Variants in PPFIBP2 observed in about 807,000 individuals in gnomAD.
The protein encoded by PPFIBP2 is PPFIB scaffold protein 2.
PPFIBP2 carries 118 observed loss-of-function variants against 118.3 expected under a neutral mutation model. That is an observed-to-expected ratio of 1.00 (90% CI 0.86 to 1.16). The LOEUF is 1.16. Among genes scored for constraint, PPFIBP2 ranks in the 50% most tolerant of loss-of-function variants. The pLI is 0.00. For missense variants in PPFIBP2, 1,195 were observed against 1,073.1 expected (o/e 1.11, Z -1.59); for synonymous variants, 414 against 397.4 (o/e 1.04, Z -0.50).
chr11:7,557,999 G>A (rs10839808), intron 2 of PPFIBP2, among the ~76,000 whole-genome samples: 78,016 of 151,890 alleles, frequency 0.51, 21,798 homozygotes, highest in African/African-American at 0.74. Flanking sequence ...GTGGTAAAAG[G>A]TTAGACTTTA....
chr11:7,529,183 C>T (rs1211870491), intron 1 of PPFIBP2, among the ~76,000 whole-genome samples: 2 of 152,150 alleles, frequency 1.3e-5, no homozygotes, highest in African/African-American at 4.8e-5. Flanking sequence ...ACCTCCTTGT[C>T]CTACCACTTA....
At chr11:7,590,166 T>C (rs1858979065) in intron 3 of PPFIBP2, among the ~76,000 whole-genome samples, 1 of 152,214 alleles carries the variant, frequency 6.6e-6, no homozygotes. Context: ...TGTTCTCAGA[T>C]GCTTTCCAAG....
chr11:7,586,940 C>T (rs1240434610), intron 3 of PPFIBP2, among the ~76,000 whole-genome samples: 1 of 152,072 alleles, frequency 6.6e-6, no homozygotes, highest in Non-Finnish European at 1.5e-5. Flanking sequence ...TGTTATTTAC[C>T]CTTCATTTAT....
chr11:7,516,642 G>C (rs1590078405), intron 1 of PPFIBP2, among the ~76,000 whole-genome samples: 1 of 152,298 alleles, frequency 6.6e-6, no homozygotes, highest in African/African-American at 2.4e-5. Context: ...TGAGGACGAG[G>C]CAGGGGTTTT....
the PPFIBP2 span, chr11:7,665,732 C>T: frequency 8.2e-7 from 1 of 1,226,180 alleles, no homozygotes; most frequent in Non-Finnish European, 1.1e-6. Context: ...GCAGCAATCA[C>T]CCCAGGTCCC....
chr11:7,635,625 G>A (rs1851352310), intron 14 of PPFIBP2, 32 bp downstream of exon 14: 1 of 1,575,974 alleles, frequency 6.3e-7, no homozygotes, highest in Non-Finnish European at 8.7e-7. Flanking sequence ...TCGTCTATTT[G>A]TGGTTACACT....
At chr11:7,615,301 A>G (rs1848500730) in intron 6 of PPFIBP2, among the ~76,000 whole-genome samples, 1 of 149,516 alleles carries the variant, frequency 6.7e-6, no homozygotes, top group African/African-American at 2.5e-5. Context: ...GTGCCACTGC[A>G]CTCCAGCCTG....
intron 1 of PPFIBP2, among the ~76,000 whole-genome samples, chr11:7,541,534 T>A (rs1173383406): frequency 6.6e-6 from 1 of 152,230 alleles, no homozygotes; most frequent in Non-Finnish European, 1.5e-5. Flanking sequence ...CTGCTCCTCC[T>A]GTCTCCTTTG....
In PPFIBP2 at chr11:7,641,621, G is replaced by A. The variant is rs1434516058; in HGVS notation, c.1517+1G>A. On this transcript the variant is annotated splice_donor_variant, in intron 16 of 23. Coordinates refer to ENST00000299492, the MANE Select transcript of PPFIBP2 (RefSeq NM_003621.5). LOFTEE classifies it high-confidence loss of function. ...AAGGCATTAAGAAGTTCTGGGGAAA[G>A]TAAGTTGGTGCCGTTGATCCTAATT... 3 of 1,613,746 alleles carry A rather than the reference G, an allele frequency of 1.9e-6. No individual in the cohort carries two copies. In the Admixed American group the frequency reaches 5.0e-5, roughly 27 times the overall value.
At chr11:7,542,121 C>G (rs1851855873) in intron 1 of PPFIBP2, among the ~76,000 whole-genome samples, 1 of 152,192 alleles carries the variant, frequency 6.6e-6, no homozygotes, top group South Asian at 2.1e-4. Flanking sequence ...TCAGAACCCT[C>G]CAAATGGGTT....
At chr11:7,643,348 G>GTA (rs2135924571) in intron 17 of PPFIBP2, among the ~76,000 whole-genome samples, 1 of 152,272 alleles carries the variant, frequency 6.6e-6, no homozygotes, top group South Asian at 2.1e-4. Flanking sequence ...TTGGGTCAGG[G>GTA]TATAAAAACT....
At chr11:7,529,601 C>A (rs1308976678) in intron 1 of PPFIBP2, among the ~76,000 whole-genome samples, 1 of 152,232 alleles carries the variant, frequency 6.6e-6, no homozygotes. Context: ...ACAAAGCCAG[C>A]CAGCCATGAA....
In PPFIBP2 at chr11:7,604,480, C is replaced by A. The variant is rs574098688; in HGVS notation, c.487-5811C>A. ...CACCCACCCATACACGCACACACAC[C>A]CCCCCATACCTACTCACCCACCCAT... On this transcript the variant is annotated intron_variant, in intron 5 of 23. Transcript: ENST00000299492. 1.5e-4 allele frequency among the ~76,000 whole-genome samples: 16 copies of A among 109,194 alleles called. No homozygotes were observed. The South Asian group carries it at 1.8e-3, about 13-fold the overall frequency. 71.6% of individuals were successfully genotyped at this position (109,194 alleles called of 152,430 possible).
chr11:7,626,881 T>C (rs1850087134), intron 8 of PPFIBP2, among the ~76,000 whole-genome samples: 2 of 152,218 alleles, frequency 1.3e-5, no homozygotes, highest in South Asian at 2.1e-4. Flanking sequence ...GTGGAAGCCA[T>C]GCAACAATGG....
At position 7,649,248 on chromosome 11, in the gene PPFIBP2, T is replaced by G. The variant is rs778997338; in HGVS notation, c.1998+13T>G. 3 of 1,603,756 alleles carry G rather than the reference T, an allele frequency of 1.9e-6. No homozygotes were observed. In the South Asian group the frequency reaches 3.3e-5, roughly 18 times the overall value. ...ATACCTAACTGTGGTGAGGACTTTTTCTTTAAATATTTCAGTTGTCCCTGT... is the reference window on the plus strand; with the variant it reads ...ATACCTAACTGTGGTGAGGACTTTTGCTTTAAATATTTCAGTTGTCCCTGT... On this transcript the variant is annotated intron_variant, in intron 20 of 23. Transcript: ENST00000299492.
intron 1 of PPFIBP2, among the ~76,000 whole-genome samples, chr11:7,540,908 A>G (rs1374997039): frequency 1.3e-5 from 2 of 152,116 alleles, no homozygotes; most frequent in African/African-American, 2.4e-5. Context: ...ACAGCCAATT[A>G]ACTAACAATT....
At chr11:7,603,050 G>A (rs1236989319) in intron 5 of PPFIBP2, among the ~76,000 whole-genome samples, 1 of 152,162 alleles carries the variant, frequency 6.6e-6, no homozygotes, top group African/African-American at 2.4e-5. Flanking sequence ...CCTAGTAGAT[G>A]GCTGGTAAAC....
At chr11:7,638,552 G>T (rs1213840993) in intron 14 of PPFIBP2, among the ~76,000 whole-genome samples, 1 of 152,182 alleles carries the variant, frequency 6.6e-6, no homozygotes, top group Non-Finnish European at 1.5e-5. Flanking sequence ...TTGGATATTT[G>T]GCCTTTAGCT....
At chr11:7,551,427 A>G (rs1455654238) in intron 2 of PPFIBP2, among the ~76,000 whole-genome samples, 3 of 152,190 alleles carry the variant, frequency 2.0e-5, no homozygotes, top group Non-Finnish European at 4.4e-5. Flanking sequence ...TTTGTGATAT[A>G]TATTCAGGTC....
Sources: allele counts gnomAD v4.1 joint callset (sites outside exome capture counted in the v4.1 genomes callset), GRCh38; gene constraint gnomAD v4.1.1; transcripts MANE v1.5; gene names NCBI Gene and HGNC (gene_info 2026-07-23, HGNC 2026-07-21).